GSE1: variants seen among roughly 807,000 people sequenced by gnomAD.
GSE1 encodes the protein genetic suppressor element 1.
In GSE1, 32 loss-of-function variants were observed where a neutral mutation model predicts 112.6. The ratio of observed to expected loss-of-function variants is 0.28; its 90% CI spans 0.21 to 0.38. The LOEUF (loss-of-function observed/expected upper bound fraction) is 0.38, where lower values mean the gene tolerates loss of function less well. GSE1 is among the 10% of genes least tolerant of loss of function. GSE1 has a pLI of 1.00. For missense variants in GSE1, 2,348 were observed against 1,699.2 expected (o/e 1.38, Z -6.71); for synonymous variants, 1,115 against 735.6 (o/e 1.52, Z -8.35).
Position 85,661,700 on chromosome 16 carries a change from A to G in GSE1, c.2195A>G (p.Gln732Arg), listed in dbSNP as rs1364539729. ...PAYIYDEFLQ[Q>R]RRRLVSKLDL... is the part of the protein sequence containing the mutation. The stretch of plus-strand genomic sequence containing the variant: ...TACATCTATGATGAGTTCCTGCAGC[A>G]GCGCCGGAGGCTGGTCAGCAAGCTG... Residue 732 changes from glutamine (Q) to arginine (R), a missense_variant, in exon 9 of 16, where the codon CAG becomes CGG. Gln to Arg is a conservative substitution (Grantham distance 43). Transcript: ENST00000253458. 1 of 1,603,766 alleles carries G rather than the reference A, an allele frequency of 6.2e-7. No homozygotes were observed. The highest frequency in any genetic ancestry group is 8.5e-7 in the Non-Finnish European group (1 of 1,175,438).
At chr16:85,572,051 TACC>T (rs879696887) in intron 1 of GSE1, among the ~76,000 whole-genome samples, 9 of 149,026 alleles carry the variant, frequency 6.0e-5, no homozygotes, top group Non-Finnish European at 1.0e-4. Context: ...GTACAACACA[TACC>T]ACACACCATA....
chr16:85,533,224 C>T (rs1177071540), intron 2 of GSE1, among the ~76,000 whole-genome samples: 1 of 149,034 alleles, frequency 6.7e-6, no homozygotes, highest in Admixed American at 6.7e-5. Flanking sequence ...ACCAGCCTGA[C>T]CATGGCGAAA....
At chr16:85,631,219 C>A (rs1164728699) in intron 1 of GSE1, among the ~76,000 whole-genome samples, 1 of 152,234 alleles carries the variant, frequency 6.6e-6, no homozygotes, top group Non-Finnish European at 1.5e-5. Context: ...CGGTGTGGTG[C>A]TGAAGGTGCT....
chr16:85,322,425 AAAAT>A (rs1296991123), intron 1 of GSE1, among the ~76,000 whole-genome samples: 1 of 152,132 alleles, frequency 6.6e-6, no homozygotes, highest in Non-Finnish European at 1.5e-5. Context: ...GTTGCAAAGA[AAAAT>A]AAATACATAA....
intron 1 of GSE1, among the ~76,000 whole-genome samples, chr16:85,300,285 T>A (rs1296912006): frequency 6.6e-6 from 1 of 152,210 alleles, no homozygotes; most frequent in African/African-American, 2.4e-5. Flanking sequence ...GTGCTGGGAT[T>A]ACAGGCGTGA....
At chr16:85,529,615 C>T (rs566358175) in intron 2 of GSE1, among the ~76,000 whole-genome samples, 2 of 152,282 alleles carry the variant, frequency 1.3e-5, no homozygotes, top group South Asian at 2.1e-4. Context: ...ACTACGGGGC[C>T]CCTTTTCCTT....
chr16:85,197,300 C>T (rs2074946312), intron 1 of GSE1, among the ~76,000 whole-genome samples: 2 of 152,074 alleles, frequency 1.3e-5, no homozygotes. Context: ...GGGAGTCTTC[C>T]CAATGCCTGG....
chr16:85,256,541 C>G (rs553058825), intron 1 of GSE1, among the ~76,000 whole-genome samples: 1 of 152,244 alleles, frequency 6.6e-6, no homozygotes, highest in Non-Finnish European at 1.5e-5. Context: ...CGTTCCTTGG[C>G]GAAGCTCCCA....
chr16:85,214,721 G>C (rs528231545), intron 1 of GSE1, among the ~76,000 whole-genome samples: 25 of 152,346 alleles, frequency 1.6e-4, no homozygotes, highest in African/African-American at 5.8e-4. Flanking sequence ...AGACCGCGTG[G>C]GGTGCAGGCG....
intron 2 of GSE1, among the ~76,000 whole-genome samples, chr16:85,528,920 G>C (rs1024957831): frequency 1.3e-5 from 2 of 152,178 alleles, no homozygotes; most frequent in African/African-American, 4.8e-5. Context: ...GGAGATCAGC[G>C]AGTGGGAGGA....
At chr16:85,495,596 A>G (rs896058658) in intron 2 of GSE1, among the ~76,000 whole-genome samples, 14 of 151,956 alleles carry the variant, frequency 9.2e-5, no homozygotes, top group African/African-American at 3.4e-4. Context: ...TCCAGGGTTC[A>G]AGCAATTCTT....
At position 85,674,887 on chromosome 16, in the gene GSE1, A is replaced by G. The variant is rs564154450; in HGVS notation, c.*2348A>G. The G allele has an allele frequency of 6.6e-6, 1 of 152,470 alleles. No homozygotes were observed. Among genetic ancestry groups the G allele is most frequent in the African/African-American group, 2.4e-5 (1 of 41,352 alleles). The allele number at this position is 152,470 out of a possible 1,614,324, so 9.4% of individuals were successfully genotyped here. ...CCACTGTCTCCCCATCCTTCCACCT[A>G]CTTGTGGCGATCTGAGTACTCTACT... On this transcript the variant is annotated 3_prime_UTR_variant, in exon 16 of 16. Transcript: ENST00000253458.
At chr16:85,592,059 C>T (rs554667851) in intron 1 of GSE1, among the ~76,000 whole-genome samples, 8 of 152,352 alleles carry the variant, frequency 5.3e-5, no homozygotes, top group Admixed American at 2.0e-4. Flanking sequence ...CCCCGCCCCC[C>T]GCTCCCGTCA....
At chr16:85,592,053 G>A (rs1292518590) in intron 1 of GSE1, among the ~76,000 whole-genome samples, 1 of 151,408 alleles carries the variant, frequency 6.6e-6, no homozygotes, top group Non-Finnish European at 1.5e-5. Context: ...GGCACCCCCC[G>A]CCCCCCGCTC....
chr16:85,403,360 C>T (rs2048164459), intron 2 of GSE1, among the ~76,000 whole-genome samples: 1 of 152,194 alleles, frequency 6.6e-6, no homozygotes. Flanking sequence ...CACCCAGGGG[C>T]ATGACCACCA....
At chr16:85,639,324 C>T (rs972882433) in intron 2 of GSE1, among the ~76,000 whole-genome samples, 1 of 152,230 alleles carries the variant, frequency 6.6e-6, no homozygotes, top group Non-Finnish European at 1.5e-5. Context: ...GGCCTGGCCA[C>T]CGCCTCCCTC....
At chr16:85,523,203 C>T (rs1269386236) in intron 2 of GSE1, among the ~76,000 whole-genome samples, 8 of 144,790 alleles carry the variant, frequency 5.5e-5, no homozygotes, top group East Asian at 2.0e-4. Flanking sequence ...TGTGTGTGCA[C>T]GTGTGCCTGT....
intron 1 of GSE1, among the ~76,000 whole-genome samples, chr16:85,599,418 C>T (rs1181502265): frequency 6.6e-6 from 1 of 152,228 alleles, no homozygotes; most frequent in Non-Finnish European, 1.5e-5. Flanking sequence ...TTCCTGGGCT[C>T]CGCCCTGGAC....
intron 1 of GSE1, among the ~76,000 whole-genome samples, chr16:85,356,319 A>G (rs755418026): frequency 6.6e-6 from 1 of 152,256 alleles, no homozygotes; most frequent in Non-Finnish European, 1.5e-5. Flanking sequence ...AAGTGCCCTG[A>G]GGCCCGGGGC....
Sources: gnomAD v4.1 joint callset for allele counts (sites outside exome capture counted in the v4.1 genomes callset) on GRCh38, gnomAD v4.1.1 for gene constraint, MANE v1.5 for transcripts, NCBI Gene and HGNC (gene_info 2026-07-23, HGNC 2026-07-21) for gene names.